The following NRXN3 variants were observed in gnomAD, a reference collection of about 807,000 sequenced individuals.
NRXN3 encodes neurexin III.
Under a neutral mutation model 137.6 loss-of-function variants are expected in NRXN3, and 32 were observed. That is an observed-to-expected ratio of 0.23 (90% CI 0.18 to 0.31). NRXN3 has a LOEUF of 0.31. NRXN3 is among the 10% of genes least tolerant of loss of function. The probability of loss-of-function intolerance (pLI) is 1.00; values close to 1 mark genes in which losing one functional copy is unlikely to be tolerated. For synonymous variants in NRXN3, 798 were observed against 784.5 expected (o/e 1.02, Z -0.29); for missense variants, 1,574 against 2,062.5 (o/e 0.76, Z 4.59).
At chr14:79,713,273 C>T (rs917909) in intron 19 of NRXN3, among the ~76,000 whole-genome samples, 89,062 of 147,390 alleles carry the variant, frequency 0.6, 27,820 homozygotes, top group Middle Eastern at 0.76. Flanking sequence ...GCTGCTGCCC[C>T]CTATAGTTCT....
chr14:79,405,531 A>G (rs1293348259), intron 15 of NRXN3, among the ~76,000 whole-genome samples: 4 of 152,118 alleles, frequency 2.6e-5, no homozygotes, highest in Non-Finnish European at 5.9e-5. Flanking sequence ...TAAATAAATC[A>G]TCACTTCTCA....
intron 16 of NRXN3, among the ~76,000 whole-genome samples, chr14:79,477,199 C>A (rs2153632361): frequency 6.6e-6 from 1 of 151,714 alleles, no homozygotes; most frequent in Non-Finnish European, 1.5e-5. Flanking sequence ...GATGAAGATA[C>A]CAGCATGAGT....
At chr14:78,599,845 G>T (rs1226120480) in intron 4 of NRXN3, among the ~76,000 whole-genome samples, 3 of 152,222 alleles carry the variant, frequency 2.0e-5, no homozygotes, top group Non-Finnish European at 2.9e-5. Context: ...AGGGAAAAGG[G>T]TCCCATGAAA....
rs143220271 is a variant in NRXN3 at position 79,437,243 on chromosome 14, T to A, written c.3263-29978T>A. Among the ~76,000 whole-genome samples the A allele has an allele frequency of 3.5e-3, 535 of 152,242 alleles. 5 individuals carry two copies. Among genetic ancestry groups the A allele is most frequent in the African/African-American group, 0.012 (509 of 41,562 alleles). ...TTATACCTCAGCGCTTTCATGCATA[T>A]AGTTCCCAGTGTCTGGAATGATCTT... On this transcript the variant is annotated intron_variant, in intron 15 of 20. Transcript: ENST00000335750.
At chr14:78,547,553 T>C (rs958045307) in intron 4 of NRXN3, among the ~76,000 whole-genome samples, 1 of 152,136 alleles carries the variant, frequency 6.6e-6, no homozygotes, top group South Asian at 2.1e-4. Context: ...ATTAAATCAA[T>C]ATGTTAATTT....
At chr14:79,349,543 A>ATAC (rs1330548803) in intron 15 of NRXN3, among the ~76,000 whole-genome samples, 1 of 107,058 alleles carries the variant, frequency 9.3e-6, no homozygotes, top group African/African-American at 4.4e-5. Flanking sequence ...GGGAAAAAAA[A>ATAC]ATACACACAC....
At chr14:78,896,281 T>C (rs1316988236) in intron 10 of NRXN3, among the ~76,000 whole-genome samples, 1 of 151,934 alleles carries the variant, frequency 6.6e-6, no homozygotes, top group Non-Finnish European at 1.5e-5. Flanking sequence ...TGAAATTATA[T>C]AAGCTCTGAA....
At chr14:78,306,845 C>A (rs568506602) in intron 4 of NRXN3, among the ~76,000 whole-genome samples, 1 of 152,276 alleles carries the variant, frequency 6.6e-6, no homozygotes, top group East Asian at 1.9e-4. Flanking sequence ...TACACAGAAA[C>A]TGAGCAAACA....
intron 10 of NRXN3, among the ~76,000 whole-genome samples, chr14:78,879,359 C>T (rs895794431): frequency 2.6e-5 from 4 of 152,154 alleles, no homozygotes; most frequent in African/African-American, 9.7e-5. Context: ...TACATCCTTG[C>T]TAATACTTAT....
At chr14:79,832,458 G>A (rs971555930) in intron 20 of NRXN3, among the ~76,000 whole-genome samples, 2 of 152,112 alleles carry the variant, frequency 1.3e-5, no homozygotes, top group Non-Finnish European at 2.9e-5. Flanking sequence ...TCTCTGCAGC[G>A]TAGTTTCTTT....
intron 10 of NRXN3, among the ~76,000 whole-genome samples, chr14:78,883,020 C>A (rs1008206118): frequency 6.6e-6 from 1 of 152,066 alleles, no homozygotes; most frequent in Non-Finnish European, 1.5e-5. Flanking sequence ...GGTTTTCCCC[C>A]TTTTGCTCAG....
rs540983525 is a variant in NRXN3, at chr14:78,430,383, C to T, written c.757+132523C>T. Among the ~76,000 whole-genome samples, 115 of 152,342 alleles carry T rather than the reference C, an allele frequency of 7.5e-4. 1 individual carries two copies. Among genetic ancestry groups the T allele is most frequent in the Non-Finnish European group, 1.1e-3 (78 of 68,038 alleles). ...AGTATTTTTAGAGGCACTCTTCTAGCGTTACTATGGCTAAATGTTTCCACC... is the reference window on the plus strand; with the variant it reads ...AGTATTTTTAGAGGCACTCTTCTAGTGTTACTATGGCTAAATGTTTCCACC... On this transcript the variant is annotated intron_variant, in intron 4 of 20. Coordinates refer to ENST00000335750, the MANE Select transcript of NRXN3 (RefSeq NM_001330195.2).
At chr14:78,326,691 G>A (rs921626457) in intron 4 of NRXN3, among the ~76,000 whole-genome samples, 1 of 152,172 alleles carries the variant, frequency 6.6e-6, no homozygotes, top group Non-Finnish European at 1.5e-5. Flanking sequence ...TGGAGGTTGA[G>A]GCAAAATTCG....
intron 15 of NRXN3, among the ~76,000 whole-genome samples, chr14:79,167,511 A>T (rs535871828): frequency 6.6e-6 from 1 of 152,004 alleles, no homozygotes; most frequent in African/African-American, 2.4e-5. Context: ...AATTTCAGAT[A>T]CTCAGGAAGG....
intron 15 of NRXN3, among the ~76,000 whole-genome samples, chr14:79,437,422 A>C (rs1004570227): frequency 2.6e-5 from 4 of 152,124 alleles, no homozygotes; most frequent in Non-Finnish European, 5.9e-5. Flanking sequence ...TTCTAAAAAA[A>C]AAAAAAAGCT....
At chr14:78,287,203 A>T (rs1296250393) in intron 3 of NRXN3, among the ~76,000 whole-genome samples, 1 of 152,242 alleles carries the variant, frequency 6.6e-6, no homozygotes, top group Admixed American at 6.5e-5. Context: ...TCCCACATAT[A>T]TCATGAGTAG....
intron 1 of NRXN3, among the ~76,000 whole-genome samples, chr14:78,177,073 C>G (rs2059342703): frequency 6.6e-6 from 1 of 152,152 alleles, no homozygotes; most frequent in African/African-American, 2.4e-5. Flanking sequence ...CCCTGCCCGT[C>G]AAGGGTACTT....
chr14:78,487,917 T>G (rs1373924791), intron 4 of NRXN3, among the ~76,000 whole-genome samples: 5 of 152,066 alleles, frequency 3.3e-5, no homozygotes, highest in Non-Finnish European at 7.4e-5. Context: ...ATGCCCTATT[T>G]TTCACAGGGT....
At chr14:79,131,140 A>C (rs549801599) in intron 15 of NRXN3, among the ~76,000 whole-genome samples, 144 of 152,314 alleles carry the variant, frequency 9.5e-4, no homozygotes, top group African/African-American at 3.3e-3. Flanking sequence ...CCCGTAGCTC[A>C]GAGTAATTTG....
Sources: allele counts gnomAD v4.1 joint callset (sites outside exome capture counted in the v4.1 genomes callset), GRCh38; gene constraint gnomAD v4.1.1; transcripts MANE v1.5; gene names NCBI Gene and HGNC (gene_info 2026-07-23, HGNC 2026-07-21).